The following CSMD1 variants were observed in gnomAD, a reference collection of about 807,000 sequenced individuals.
The protein encoded by CSMD1 is CUB and sushi domain-containing protein 1.
In CSMD1, 213 loss-of-function variants were observed where a neutral mutation model predicts 417.5. The ratio of observed to expected loss-of-function variants is 0.51; its 90% CI spans 0.46 to 0.57. The LOEUF (loss-of-function observed/expected upper bound fraction) is 0.57. Ranked by LOEUF, CSMD1 falls within the 20% of genes least tolerant of loss-of-function variation. The pLI is 0.00. For synonymous variants in CSMD1, 2,862 were observed against 1,736.8 expected, an observed-to-expected ratio of 1.65 and a Z score of -16.11; for missense variants, 6,923 against 4,529.7, an observed-to-expected ratio of 1.53 and a Z score of -15.17.
intron 3 of CSMD1, among the ~76,000 whole-genome samples, chr8:4,082,463 T>C (rs530676936): frequency 6.6e-6 from 1 of 152,208 alleles, no homozygotes; most frequent in South Asian, 2.1e-4. Context: ...ATTGCCTAAG[T>C]AGTTCTAGGA....
intron 2 of CSMD1, among the ~76,000 whole-genome samples, chr8:4,440,575 T>C (rs1168748130): frequency 6.6e-6 from 1 of 152,192 alleles, no homozygotes; most frequent in East Asian, 1.9e-4. Flanking sequence ...TTTTCAAAGA[T>C]GCAAAACCAA....
intron 1 of CSMD1, among the ~76,000 whole-genome samples, chr8:4,788,836 T>A (rs868313653): frequency 2.0e-5 from 3 of 152,202 alleles, no homozygotes; most frequent in African/African-American, 7.2e-5. Context: ...CATTTTAAAT[T>A]TATGACACAG....
Position 4,445,642 on chromosome 8 carries a change from A to T in CSMD1, c.303-25577T>A, listed in dbSNP as rs367922537. On this transcript the variant is annotated intron_variant, in intron 2 of 69. Coordinates refer to ENST00000635120, the MANE Select transcript of CSMD1 (RefSeq NM_033225.6). Reference sequence around the variant, plus strand: ...ACTGGGCCAGGCATGTGTTCCTAGGAAAGTAAGGTTATTGAAGCCACTAGA... The same window carrying T: ...ACTGGGCCAGGCATGTGTTCCTAGGTAAGTAAGGTTATTGAAGCCACTAGA... Among the ~76,000 whole-genome samples the T allele has an allele frequency of 3.9e-5, 6 of 152,304 alleles. No individual in the cohort carries two copies. The East Asian group carries it at 1.2e-3, about 29-fold the overall frequency.
chr8:3,293,381 A>T (rs1278101816), intron 25 of CSMD1, among the ~76,000 whole-genome samples: 1 of 152,094 alleles, frequency 6.6e-6, no homozygotes, highest in Non-Finnish European at 1.5e-5. Context: ...CTGCCTTGCT[A>T]GATTGGGGAA....
chr8:3,618,251 C>G (rs1037774863), intron 7 of CSMD1, among the ~76,000 whole-genome samples: 1 of 152,092 alleles, frequency 6.6e-6, no homozygotes, highest in Non-Finnish European at 1.5e-5. Context: ...GTGACACTCG[C>G]ACTGTGGCCT....
intron 5 of CSMD1, among the ~76,000 whole-genome samples, chr8:3,762,329 A>G (rs1798053596): frequency 6.6e-6 from 1 of 152,060 alleles, no homozygotes; most frequent in African/African-American, 2.4e-5. Context: ...GCTCTCCTTT[A>G]AATTTCAGAT....
intron 5 of CSMD1, among the ~76,000 whole-genome samples, chr8:3,881,752 A>G (rs1421576916): frequency 6.6e-6 from 1 of 152,172 alleles, no homozygotes; most frequent in Non-Finnish European, 1.5e-5. Context: ...TTACTCCAGA[A>G]ATTAATTACT....
intron 1 of CSMD1, among the ~76,000 whole-genome samples, chr8:4,887,834 G>T (rs1024310081): frequency 1.3e-5 from 2 of 151,790 alleles, no homozygotes; most frequent in Admixed American, 6.6e-5. Context: ...TTTGAGCAGT[G>T]TTCGTACAGC....
chr8:4,356,337 C>A (rs192938331), intron 3 of CSMD1, among the ~76,000 whole-genome samples: 1 of 151,880 alleles, frequency 6.6e-6, no homozygotes, highest in Non-Finnish European at 1.5e-5. Context: ...AATACACACA[C>A]ACACACACAC....
chr8:4,749,372 C>T (rs537114259), intron 1 of CSMD1, among the ~76,000 whole-genome samples: 13 of 152,310 alleles, frequency 8.5e-5, no homozygotes, highest in African/African-American at 3.1e-4. Context: ...AGCATAGTTG[C>T]TAAGCGGTCC....
intron 3 of CSMD1, among the ~76,000 whole-genome samples, chr8:4,388,892 T>G (rs900332527): frequency 1.2e-4 from 18 of 152,332 alleles, no homozygotes; most frequent in Non-Finnish European, 1.3e-4. Flanking sequence ...CCTCTTCATC[T>G]TCTCTCATCC....
At chr8:4,477,318 C>T (rs377061098) in intron 2 of CSMD1, among the ~76,000 whole-genome samples, 19 of 152,188 alleles carry the variant, frequency 1.2e-4, no homozygotes, top group Non-Finnish European at 2.4e-4. Flanking sequence ...GAAGCCGAGG[C>T]GTTGGTGCTG....
At chr8:3,278,224 C>T (rs1048294928) in intron 26 of CSMD1, 2 of 152,142 alleles carry the variant, frequency 1.3e-5, no homozygotes, top group South Asian at 2.1e-4. Context: ...GTTTAAAAAG[C>T]TCCAATGTAA....
intron 5 of CSMD1, among the ~76,000 whole-genome samples, chr8:3,910,557 G>C (rs766973124): frequency 1.3e-5 from 2 of 152,188 alleles, no homozygotes; most frequent in East Asian, 3.8e-4. Context: ...AGAATAACTT[G>C]AGCAGACAGT....
chr8:3,491,382 A>G (rs1384692615), intron 11 of CSMD1, among the ~76,000 whole-genome samples: 1 of 152,214 alleles, frequency 6.6e-6, no homozygotes, highest in Non-Finnish European at 1.5e-5. Context: ...TATAGTAAAG[A>G]TCAAATAAGG....
intron 2 of CSMD1, among the ~76,000 whole-genome samples, chr8:4,467,914 C>T (rs1212544281): frequency 7.9e-5 from 12 of 152,056 alleles, no homozygotes. Context: ...TTTTGGGATC[C>T]AAACAGTTGG....
At chr8:4,937,544 A>T (rs1024570412) in intron 1 of CSMD1, among the ~76,000 whole-genome samples, 1 of 152,232 alleles carries the variant, frequency 6.6e-6, no homozygotes, top group Non-Finnish European at 1.5e-5. Flanking sequence ...AACTTACAGT[A>T]CCAAATTCCT....
intron 7 of CSMD1, among the ~76,000 whole-genome samples, chr8:3,687,451 G>C (rs1484352355): frequency 6.6e-6 from 1 of 152,180 alleles, no homozygotes; most frequent in Non-Finnish European, 1.5e-5. Flanking sequence ...TGGAAGCAGA[G>C]CCTTTATTGA....
chr8:4,615,723 G>A (rs1186052296), intron 2 of CSMD1, among the ~76,000 whole-genome samples: 1 of 152,080 alleles, frequency 6.6e-6, no homozygotes, highest in East Asian at 1.9e-4. Flanking sequence ...GAAACTGCCT[G>A]TTAGGATCCC....
Sources: gnomAD v4.1 joint callset for allele counts (sites outside exome capture counted in the v4.1 genomes callset) on GRCh38, gnomAD v4.1.1 for gene constraint, MANE v1.5 for transcripts, NCBI Gene and HGNC (gene_info 2026-07-23, HGNC 2026-07-21) for gene names.